The following ULBP3 variants were observed in gnomAD, a reference collection of about 807,000 sequenced individuals.
ULBP3 encodes the protein UL16-binding protein 3.
Under a neutral mutation model 24.9 loss-of-function variants are expected in ULBP3, and 25 were observed. The ratio of observed to expected loss-of-function variants is 1.00; its 90% CI spans 0.73 to 1.40. The LOEUF (loss-of-function observed/expected upper bound fraction) is 1.40. Among genes scored for constraint, ULBP3 ranks in the 40% most tolerant of loss-of-function variants. ULBP3 has a pLI of 0.00. For synonymous variants in ULBP3, 114 were observed against 114.7 expected (o/e 0.99, Z 0.04); for missense variants, 306 against 307.5 (o/e 1.00, Z 0.04).
chr6:150,068,583 T>G (rs1562520992), intron 1 of ULBP3, among the ~76,000 whole-genome samples: 3 of 152,246 alleles, frequency 2.0e-5, no homozygotes, highest in Admixed American at 6.5e-5. Flanking sequence ...GACTCCTGTC[T>G]GCTTAGTGAC....
At position 150,062,165 on chromosome 6, in the gene ULBP3, T is replaced by C. The variant is rs1776282296; in HGVS notation, c.*1209A>G. Among the ~76,000 whole-genome samples the C allele has an allele frequency of 6.6e-6, 1 of 152,238 alleles. No homozygotes were observed. Reference sequence around the variant, plus strand: ...CAGAGTTTGCAAATAGTTTCCCCATTCTACACGCTGTCTGTTTACCGTGTT... The same window carrying C: ...CAGAGTTTGCAAATAGTTTCCCCATCCTACACGCTGTCTGTTTACCGTGTT... On this transcript the variant is annotated 3_prime_UTR_variant, in exon 5 of 5. Transcript: ENST00000367339.
intron 1 of ULBP3, 111 bp downstream of exon 1, chr6:150,068,867 CG>C (rs1375812097): frequency 3.5e-6 from 4 of 1,152,992 alleles, no homozygotes; most frequent in Non-Finnish European, 3.6e-6. Context: ...GGGGGCAGTC[CG>C]GGGAGATCGC....
chr6:150,064,490 C>A, intron 4 of ULBP3, 95 bp downstream of exon 4: 3 of 1,140,152 alleles, frequency 2.6e-6, no homozygotes, highest in Non-Finnish European at 2.6e-6. Context: ...AAGGTCCCGG[C>A]CATGGGGAGA....
At chr6:150,063,815 C>G (rs1446212703) in intron 4 of ULBP3, among the ~76,000 whole-genome samples, 1 of 152,226 alleles carries the variant, frequency 6.6e-6, no homozygotes, top group East Asian at 1.9e-4. Flanking sequence ...CCCATTCATT[C>G]CTGGCCAAGC....
In ULBP3 at chr6:150,065,566, A is replaced by C. The variant is rs1390135242; in HGVS notation, c.460T>G (p.Ser154Ala). 1.2e-6 allele frequency: 2 copies of C among 1,613,982 alleles called. No homozygotes were observed. Among genetic ancestry groups the C allele is most frequent in the Admixed American group, 1.7e-5 (1 of 60,002 alleles). ...FDGRKFLLFDSNNRKWTVVHA... is the reference protein window; with the variant it reads ...FDGRKFLLFDANNRKWTVVHA... ...ACCACTGTCCACTTTCTGTTGTTTGAGTCAAAGAGGAGGAACTTCCGTCCA... is the reference window on the plus strand; with the variant it reads ...ACCACTGTCCACTTTCTGTTGTTTGCGTCAAAGAGGAGGAACTTCCGTCCA... Residue 154 changes from serine to alanine, a missense_variant, in exon 3 of 5, where the codon TCA (serine) becomes GCA (alanine). Ser to Ala is a moderately conservative substitution (Grantham distance 99). Coordinates refer to ENST00000367339, the MANE Select transcript of ULBP3 (RefSeq NM_024518.3).
intron 1 of ULBP3, among the ~76,000 whole-genome samples, chr6:150,067,336 G>A (rs1776362146): frequency 6.6e-6 from 1 of 152,166 alleles, no homozygotes; most frequent in Non-Finnish European, 1.5e-5. Flanking sequence ...CTCCCCCACA[G>A]AGCCAGATGG....
intron 1 of ULBP3, among the ~76,000 whole-genome samples, chr6:150,067,650 C>T (rs1270734712): frequency 6.6e-6 from 1 of 152,134 alleles, no homozygotes; most frequent in Non-Finnish European, 1.5e-5. Flanking sequence ...TATGACCTCC[C>T]CTGTCACTAC....
At position 150,061,287 on chromosome 6, in the gene ULBP3, A is replaced by G. The variant is rs1216525982; in HGVS notation, c.*2087T>C. Among the ~76,000 whole-genome samples the G allele has an allele frequency of 6.6e-6, 1 of 152,214 alleles. No homozygotes were observed. On this transcript the variant is annotated 3_prime_UTR_variant, in exon 5 of 5. Transcript: ENST00000367339. ...TCTTTAATTTTAACCTTTATTATAGATTAAAGGGTACACATACAGGTTTGT... is the reference window on the plus strand; with the variant it reads ...TCTTTAATTTTAACCTTTATTATAGGTTAAAGGGTACACATACAGGTTTGT...
rs1776289347 is a variant in ULBP3 at position 150,062,809 on chromosome 6, A to C, written c.*565T>G. On this transcript the variant is annotated 3_prime_UTR_variant, in exon 5 of 5. Transcript: ENST00000367339. The stretch of plus-strand genomic sequence containing the variant: ...CGAGAGAAAGTGGCAGAAGGTGTTA[A>C]GAAAAATGGCTGGCCGGGCGCGGTG... Among the ~76,000 whole-genome samples the C allele has an allele frequency of 6.6e-6, 1 of 152,184 alleles. No homozygotes were observed. The highest frequency in any genetic ancestry group is 2.4e-5 in the African/African-American group (1 of 41,448).
chr6:150,068,135 T>G (rs1582867183), intron 1 of ULBP3, among the ~76,000 whole-genome samples: 1 of 152,080 alleles, frequency 6.6e-6, no homozygotes, highest in African/African-American at 2.4e-5. Flanking sequence ...GGACACCACA[T>G]GGCTACACCC....
In ULBP3 at chr6:150,065,404, G is replaced by A; in HGVS notation, c.622C>T (p.Pro208Ser). The A allele has an allele frequency of 6.2e-7, 1 of 1,614,026 alleles. No individual in the cohort carries two copies. The highest frequency in any genetic ancestry group is 8.5e-7 in the Non-Finnish European group (1 of 1,179,914). ...FLMHRKKRLEPTAPPTMAPGL... is the reference protein window; with the variant it reads ...FLMHRKKRLESTAPPTMAPGL... ...GTGCTCCCCTGTCAGTTACCTGTGG[G>A]TTCCAGCCTCTTCTTCCTGTGCATC... The change falls in exon 3 of 5, where the codon CCC (proline) becomes TCC (serine). Residue 208 changes from proline to serine, a missense_variant. Coordinates refer to ENST00000367339, the MANE Select transcript of ULBP3 (RefSeq NM_024518.3).
At position 150,064,836 on chromosome 6, in the gene ULBP3, G is replaced by A. The variant is rs1582865024; in HGVS notation, c.629-123C>T. The A allele has an allele frequency of 4.8e-6, 5 of 1,043,884 alleles. No individual in the cohort carries two copies. In the East Asian group the frequency reaches 7.7e-5, roughly 16 times the overall value. 64.7% of individuals were successfully genotyped at this position (1,043,884 alleles called of 1,614,324 possible). A position where few individuals can be genotyped will look rare whatever the true frequency, so the allele number is the denominator to read the frequency against. On this transcript the variant is annotated intron_variant, in intron 3 of 4. Transcript: ENST00000367339. The stretch of plus-strand genomic sequence containing the variant: ...GAGGATTTGTCTCCCCTGCTGTGGG[G>A]CAGCCGCTGTGACAGGTCCTGGGGG...
chr6:150,064,372 C>A (rs1409710737), intron 4 of ULBP3, among the ~76,000 whole-genome samples: 1 of 152,218 alleles, frequency 6.6e-6, no homozygotes, highest in African/African-American at 2.4e-5. Context: ...CCCTCCCTTT[C>A]CCTCTGGCCC....
In ULBP3 at chr6:150,063,195, G is replaced by A. The variant is rs1277309126; in HGVS notation, c.*179C>T. The A allele has an allele frequency of 2.2e-5, 4 of 182,604 alleles. No individual in the cohort carries two copies. The highest frequency in any genetic ancestry group is 4.1e-5 in the Non-Finnish European group (4 of 96,638). The allele number at this position is 182,604 out of a possible 1,614,324, so 11.3% of individuals were successfully genotyped here. On this transcript the variant is annotated 3_prime_UTR_variant, in exon 5 of 5. Coordinates refer to ENST00000367339, the MANE Select transcript of ULBP3 (RefSeq NM_024518.3). ...AATGAGTGGCCTGAGATGTTGAGCC[G>A]ACAATGTCCTCATCATCTGCTGGGG...
chr6:150,068,979 C>T lies in ULBP3; in HGVS notation c.88G>A (p.Asp30Asn), dbSNP rs973221255. Residue 30 changes from aspartate to asparagine, a missense_variant and splice_region_variant, in exon 1 of 5, where the codon GAC (aspartate) becomes AAC (asparagine). Physicochemically the swap from Asp to Asn is conservative, Grantham distance 23. Transcript: ENST00000367339. ...LFDWSGTGRA[D>N]AHSLWYNFTI... ...GCTTAGGCTCCATCCCCGAACTCACCGGCCCGCCCCGTCCCGGACCAGTCG... is the reference window on the plus strand; with the variant it reads ...GCTTAGGCTCCATCCCCGAACTCACTGGCCCGCCCCGTCCCGGACCAGTCG... 73 of 1,605,390 alleles carry T rather than the reference C, an allele frequency of 4.5e-5. No homozygotes were observed. Among genetic ancestry groups the T allele is most frequent in the Non-Finnish European group, 6.2e-5 (73 of 1,174,964 alleles).
Position 150,065,457 on chromosome 6 carries a change from T to C in ULBP3, c.569A>G (p.Asp190Gly). 6.2e-7 allele frequency: 1 copy of C among 1,614,186 alleles called. No homozygotes were observed. ...TTFFKMVSMR[D>G]CKSWLRDFLM... ...GAAGTCCCTAAGCCAGCTCTTGCAG[T>C]CTCTCATTGAGACCATCTTGAAGAA... The change falls in exon 3 of 5, where the codon GAC (aspartate) becomes GGC (glycine). Residue 190 changes from aspartate (D) to glycine (G), a missense_variant. Asp to Gly is a moderately conservative substitution (Grantham distance 94, BLOSUM62 -1). Coordinates refer to ENST00000367339, the MANE Select transcript of ULBP3 (RefSeq NM_024518.3).
chr6:150,064,662 G>A lies in ULBP3; in HGVS notation c.680C>T (p.Thr227Ile), dbSNP rs769470778. The A allele has an allele frequency of 1.9e-6, 3 of 1,614,170 alleles. No homozygotes were observed. The highest frequency in any genetic ancestry group is 2.5e-6 in the Non-Finnish European group (3 of 1,179,994). The change falls in exon 4 of 5, where the codon ACC becomes ATC. Residue 227 changes from threonine (T) to isoleucine (I), a missense_variant. Physicochemically the swap from Thr to Ile is moderately conservative, Grantham distance 89. Coordinates refer to ENST00000367339, the MANE Select transcript of ULBP3 (RefSeq NM_024518.3). ...GLAQPKAIAT[T>I]LSPWSFLIIL... ...GATGAGGAAGCTCCAGGGACTGAGG[G>A]TGGTGGCTATGGCTTTGGGTTGAGC...
At chr6:150,068,656 T>C (rs1776382510) in intron 1 of ULBP3, among the ~76,000 whole-genome samples, 1 of 152,200 alleles carries the variant, frequency 6.6e-6, no homozygotes, top group South Asian at 2.1e-4. Context: ...GGGGCTCTGG[T>C]TTCTCCTTCC....
In ULBP3 at chr6:150,066,882, G is replaced by C. The variant is rs191977807; in HGVS notation, c.89-720C>G. On this transcript the variant is annotated intron_variant, in intron 1 of 4. Transcript: ENST00000367339. Reference sequence around the variant, plus strand: ...CCTGTTGCTGAAGCCCAGGGTCAGGGGTAGGAGATGCTCTTCCTGAAATGG... The same window carrying C: ...CCTGTTGCTGAAGCCCAGGGTCAGGCGTAGGAGATGCTCTTCCTGAAATGG... 3.3e-4 allele frequency among the ~76,000 whole-genome samples: 50 copies of C among 152,236 alleles called. No individual in the cohort carries two copies. The East Asian group carries it at 6.0e-3, about 18-fold the overall frequency.
Sources: gnomAD v4.1 joint callset for allele counts (sites outside exome capture counted in the v4.1 genomes callset) on GRCh38, gnomAD v4.1.1 for gene constraint, MANE v1.5 for transcripts, NCBI Gene and HGNC (gene_info 2026-07-23, HGNC 2026-07-21) for gene names.